The following DAOA variants were observed in gnomAD, a reference collection of about 807,000 sequenced individuals.
DAOA encodes the protein D-amino acid oxidase activator.
Under a neutral mutation model 16.4 loss-of-function variants are expected in DAOA, and 15 were observed. The ratio of observed to expected loss-of-function variants is 0.91; its 90% CI spans 0.61 to 1.41. The LOEUF (loss-of-function observed/expected upper bound fraction) is 1.41, where lower values mean the gene tolerates loss of function less well. Ranked by LOEUF, DAOA falls within the 40% of genes most tolerant of loss-of-function variation. DAOA has a pLI of 0.00. For missense variants in DAOA, 230 were observed against 176.8 expected, an observed-to-expected ratio of 1.30 and a Z score of -1.71; for synonymous variants, 75 against 59.1, an observed-to-expected ratio of 1.27 and a Z score of -1.23.
intron 4 of DAOA, among the ~76,000 whole-genome samples, chr13:105,480,527 CATAGATAGATAGATAGATAGATAG>C (rs59797400): frequency 6.8e-6 from 1 of 146,640 alleles, no homozygotes; most frequent in Middle Eastern, 3.3e-3. Flanking sequence ...TGGATAGATA[CATAGATAGATAGATAGATAGATAG>C]ATAGATAGAT....
intron 4 of DAOA, among the ~76,000 whole-genome samples, chr13:105,484,481 T>A (rs1180293665): frequency 2.0e-5 from 3 of 152,168 alleles, no homozygotes; most frequent in East Asian, 1.9e-4. Flanking sequence ...ATTTAGGTAA[T>A]CATTAATTTT....
chr13:105,475,313 G>A (rs1488229075), intron 4 of DAOA, among the ~76,000 whole-genome samples: 1 of 152,122 alleles, frequency 6.6e-6, no homozygotes, highest in Non-Finnish European at 1.5e-5. Context: ...TTATTAAACT[G>A]TTCAAAAAGG....
At position 105,475,549 on chromosome 13, in the gene DAOA, A is replaced by G. The variant is rs146557899; in HGVS notation, c.281+2864A>G. 4.4e-3 allele frequency among the ~76,000 whole-genome samples: 673 copies of G among 151,932 alleles called. 9 individuals are homozygous for G. The highest frequency in any genetic ancestry group is 0.015 in the African/African-American group (628 of 41,544). On this transcript the variant is annotated intron_variant, in intron 4 of 5. Coordinates refer to ENST00000375936, the MANE Select transcript of DAOA (RefSeq NM_172370.5). The stretch of plus-strand genomic sequence containing the variant: ...AAATTTAGAAAAGGAGAGGAACTTG[A>G]CCACAGAAACTGTGTTTGATACATT...
intron 3 of DAOA, among the ~76,000 whole-genome samples, chr13:105,468,222 A>G (rs1876673745): frequency 6.6e-6 from 1 of 152,322 alleles, no homozygotes; most frequent in East Asian, 1.9e-4. Context: ...GGTCGTTAAC[A>G]TTAATTACAT....
intron 3 of DAOA, 48 bp from the exon 4 acceptor site, chr13:105,472,490 T>C (rs1566374884): frequency 1.9e-6 from 3 of 1,570,612 alleles, no homozygotes; most frequent in South Asian, 1.2e-5. Context: ...TGTTAAAAGA[T>C]GTGATAGAGT....
chr13:105,490,278 C>T (rs1029014549), intron 5 of DAOA, 86 bp downstream of exon 5: 4 of 639,130 alleles, frequency 6.3e-6, no homozygotes, highest in South Asian at 7.0e-5. Flanking sequence ...AGATTTGTTA[C>T]ACAATGATAT....
intron 4 of DAOA, among the ~76,000 whole-genome samples, chr13:105,485,301 CA>C (rs925763773): frequency 1.3e-5 from 2 of 151,350 alleles, no homozygotes; most frequent in African/African-American, 2.4e-5. Flanking sequence ...CTTGGCATGT[CA>C]AAAAAATGAA....
In DAOA at chr13:105,490,043, T is replaced by A; in HGVS notation, c.424T>A (p.Cys142Ser). 5.0e-6 allele frequency: 8 copies of A among 1,594,988 alleles called. No homozygotes were observed. The highest frequency in any genetic ancestry group is 6.8e-6 in the Non-Finnish European group (8 of 1,169,998). Residue 142 changes from cysteine to serine, a missense_variant, in exon 5 of 6, where the codon TGC becomes AGC. Coordinates refer to ENST00000375936, the MANE Select transcript of DAOA (RefSeq NM_172370.5). ...CNYNQQKDQS[C>S]NHKEITSTKA... ...CTACAACCAGCAAAAAGACCAGTCA[T>A]GCAACCACAAGGAAATAACTTCTAC...
chr13:105,466,981 T>A (rs1193199237), intron 2 of DAOA, 72 bp from the exon 3 acceptor site: 1 of 1,521,710 alleles, frequency 6.6e-7, no homozygotes, highest in Non-Finnish European at 8.8e-7. Context: ...TCCATTGATG[T>A]TGCTTATTCT....
intron 4 of DAOA, among the ~76,000 whole-genome samples, chr13:105,488,978 C>T (rs1878324291): frequency 6.6e-6 from 1 of 152,174 alleles, no homozygotes; most frequent in Non-Finnish European, 1.5e-5. Context: ...ATGGGACACA[C>T]AACACAGTCA....
chr13:105,467,749 A>C (rs1424228777), intron 3 of DAOA: 1 of 120,436 alleles, frequency 8.3e-6, no homozygotes, highest in Admixed American at 8.9e-5. Context: ...TTTTTTTTTC[A>C]AAGAGACAAA....
chr13:105,470,366 T>C (rs1363090657), intron 3 of DAOA, among the ~76,000 whole-genome samples: 1 of 152,130 alleles, frequency 6.6e-6, no homozygotes, highest in Non-Finnish European at 1.5e-5. Context: ...TTTTTCTTTT[T>C]TACCCCCATG....
rs138462920 is a variant in DAOA, at chr13:105,481,447, G to A, written c.282-8454G>A. Among the ~76,000 whole-genome samples the A allele has an allele frequency of 5.8e-4, 89 of 152,154 alleles. 1 individual carries two copies. In the Middle Eastern group the frequency reaches 0.014, roughly 23 times the overall value. ...GTCTAAACTAAAACACATACTGTCTGCCCCACTCTCTGAAGTGGCTATTTC... is the reference window on the plus strand; with the variant it reads ...GTCTAAACTAAAACACATACTGTCTACCCCACTCTCTGAAGTGGCTATTTC... On this transcript the variant is annotated intron_variant, in intron 4 of 5. Transcript: ENST00000375936.
At chr13:105,474,951 C>T (rs981723932) in intron 4 of DAOA, 17 of 893,712 alleles carry the variant, frequency 1.9e-5, no homozygotes, top group East Asian at 2.4e-4. Flanking sequence ...CCGTTCTGAA[C>T]GAACATTCAC....
intron 5 of DAOA, 61 bp from the exon 6 acceptor site, chr13:105,490,851 C>T (rs1878467687): frequency 6.6e-6 from 1 of 151,726 alleles, no homozygotes. Flanking sequence ...GCAAAACTGA[C>T]TTTCTATTAA....
At chr13:105,480,886 G>A (rs556898470) in intron 4 of DAOA, among the ~76,000 whole-genome samples, 11 of 152,092 alleles carry the variant, frequency 7.2e-5, no homozygotes, top group Non-Finnish European at 1.3e-4. Context: ...GACGGCACCT[G>A]CCCACGGTAA....
At chr13:105,467,963 A>G (rs916162161) in intron 3 of DAOA, among the ~76,000 whole-genome samples, 10 of 152,210 alleles carry the variant, frequency 6.6e-5, no homozygotes, top group African/African-American at 2.4e-4. Context: ...AGGAATGGGC[A>G]GGGCTGCATG....
chr13:105,478,350 A>G (rs1877487472), intron 4 of DAOA, among the ~76,000 whole-genome samples: 1 of 152,228 alleles, frequency 6.6e-6, no homozygotes, highest in Non-Finnish European at 1.5e-5. Flanking sequence ...GTACGCATTC[A>G]ATAGTCAATT....
At chr13:105,478,433 C>T (rs1045017987) in intron 4 of DAOA, among the ~76,000 whole-genome samples, 3 of 152,240 alleles carry the variant, frequency 2.0e-5, no homozygotes, top group African/African-American at 4.8e-5. Flanking sequence ...CCCATTTGTA[C>T]TTTTACAAAC....
Sources: allele counts gnomAD v4.1 joint callset (sites outside exome capture counted in the v4.1 genomes callset), GRCh38; gene constraint gnomAD v4.1.1; transcripts MANE v1.5; gene names NCBI Gene and HGNC (gene_info 2026-07-23, HGNC 2026-07-21).